The following GAP43 variants were observed in gnomAD, a reference collection of about 807,000 sequenced individuals.
GAP43 encodes growth associated protein 43.
A neutral mutation model predicts 18.6 loss-of-function variants in GAP43; 6 were observed. That is an observed-to-expected ratio of 0.32 (90% CI 0.18 to 0.64). GAP43 has a LOEUF of 0.64. Among genes scored for constraint, GAP43 ranks in the 30% least tolerant of loss-of-function variants. The probability of loss-of-function intolerance (pLI) is 0.78; values close to 1 mark genes in which losing one functional copy is unlikely to be tolerated. For synonymous variants in GAP43, 115 were observed against 111.4 expected, an observed-to-expected ratio of 1.03 and a Z score of -0.20; for missense variants, 292 against 295.5, an observed-to-expected ratio of 0.99 and a Z score of 0.09.
chr3:115,663,680 T>C, intron 1 of GAP43: 1 of 1,477,298 alleles, frequency 6.8e-7, no homozygotes. Context: ...ACTTTTCTAT[T>C]GTAAAGAGAT....
At chr3:115,629,405 G>A (rs996448050) in intron 1 of GAP43, among the ~76,000 whole-genome samples, 46 of 127,388 alleles carry the variant, frequency 3.6e-4, no homozygotes, top group African/African-American at 1.3e-3. Flanking sequence ...CAGCCCCCCT[G>A]CTCTTTTTTT....
At chr3:115,657,907 G>C (rs1708608274) in intron 1 of GAP43, among the ~76,000 whole-genome samples, 1 of 152,102 alleles carries the variant, frequency 6.6e-6, no homozygotes, top group South Asian at 2.1e-4. Flanking sequence ...ATTAACCAAA[G>C]AGACAAGGTA....
At chr3:115,625,983 C>T (rs1170316188) in intron 1 of GAP43, among the ~76,000 whole-genome samples, 2 of 152,194 alleles carry the variant, frequency 1.3e-5, no homozygotes, top group Non-Finnish European at 2.9e-5. Flanking sequence ...GTGAAATGGT[C>T]ATGTCTCTTA....
chr3:115,674,489 G>A (rs28399383), intron 1 of GAP43, among the ~76,000 whole-genome samples: 13,118 of 152,196 alleles, frequency 0.086, 954 homozygotes, highest in East Asian at 0.42. Flanking sequence ...GGCTACAAAT[G>A]TTGCCATCAA....
At chr3:115,711,510 CA>C (rs201271420) in intron 2 of GAP43, among the ~76,000 whole-genome samples, 29 of 150,882 alleles carry the variant, frequency 1.9e-4, no homozygotes, top group African/African-American at 3.9e-4. Context: ...CACACACACA[CA>C]CCCCCCTACA....
intron 1 of GAP43, among the ~76,000 whole-genome samples, chr3:115,673,008 C>T (rs749080740): frequency 6.6e-6 from 1 of 152,100 alleles, no homozygotes; most frequent in Non-Finnish European, 1.5e-5. Flanking sequence ...ACCTCTCTCT[C>T]CTAACTCTTG....
chr3:115,687,519 T>C (rs944655286), intron 2 of GAP43, among the ~76,000 whole-genome samples: 47 of 152,318 alleles, frequency 3.1e-4, no homozygotes, highest in Non-Finnish European at 6.0e-4. Flanking sequence ...ATTTTACAAA[T>C]CATAATCCCA....
intron 2 of GAP43, among the ~76,000 whole-genome samples, chr3:115,696,585 C>CCG (rs1553724432): frequency 1.6e-5 from 2 of 126,298 alleles, no homozygotes; most frequent in East Asian, 2.9e-4. Context: ...ACCGCCCCCC[C>CCG]CCCCCACAAA....
At chr3:115,682,669 T>C (rs930760544) in intron 2 of GAP43, among the ~76,000 whole-genome samples, 2 of 152,164 alleles carry the variant, frequency 1.3e-5, no homozygotes, top group African/African-American at 4.8e-5. Flanking sequence ...CCCTAGTGGC[T>C]GGGATTACAG....
chr3:115,698,091 TTA>T (rs1329876042), intron 2 of GAP43, among the ~76,000 whole-genome samples: 6 of 56,812 alleles, frequency 1.1e-4, no homozygotes, highest in South Asian at 4.3e-4. Flanking sequence ...AAAATATGTA[TTA>T]TATATAATAT....
intron 2 of GAP43, among the ~76,000 whole-genome samples, chr3:115,702,155 G>A (rs1709304982): frequency 6.6e-6 from 1 of 152,008 alleles, no homozygotes; most frequent in South Asian, 2.1e-4. Flanking sequence ...GTAAGAATTT[G>A]GAATTTAAGA....
intron 1 of GAP43, among the ~76,000 whole-genome samples, chr3:115,648,622 G>A (rs1180853931): frequency 6.6e-6 from 1 of 152,050 alleles, no homozygotes; most frequent in African/African-American, 2.4e-5. Context: ...CTAATTGAAG[G>A]TCCAGAAGTG....
Position 115,651,345 on chromosome 3 carries a change from G to A in GAP43, c.31-24668G>A, listed in dbSNP as rs141521642. 6.5e-4 allele frequency among the ~76,000 whole-genome samples: 99 copies of A among 152,154 alleles called. 1 individual carries two copies. Among genetic ancestry groups the A allele is most frequent in the African/African-American group, 2.2e-3 (93 of 41,520 alleles). On this transcript the variant is annotated intron_variant, in intron 1 of 2. Coordinates refer to ENST00000305124, the MANE Select transcript of GAP43 (RefSeq NM_002045.4). The stretch of plus-strand genomic sequence containing the variant: ...ACATCCATGCACACTCTGCACATAC[G>A]GAAGACCTGTTGTTTGAAAAGTTAA...
intron 1 of GAP43, chr3:115,663,987 G>C (rs888752905): frequency 1.4e-6 from 2 of 1,438,424 alleles, no homozygotes; most frequent in Middle Eastern, 1.8e-4. Flanking sequence ...CTTACTAGCT[G>C]TATGACTTTG....
At chr3:115,675,472 A>G (rs1295022392) in intron 1 of GAP43, among the ~76,000 whole-genome samples, 2 of 152,148 alleles carry the variant, frequency 1.3e-5, no homozygotes, top group African/African-American at 4.8e-5. Context: ...GTAGAAAATA[A>G]TGCCAGTGGC....
intron 2 of GAP43, among the ~76,000 whole-genome samples, chr3:115,715,807 G>A (rs1459043384): frequency 1.3e-5 from 2 of 152,100 alleles, no homozygotes; most frequent in Non-Finnish European, 2.9e-5. Flanking sequence ...GCTGTGGACC[G>A]GACTCCCTGC....
At chr3:115,642,166 G>T (rs1708405511) in intron 1 of GAP43, among the ~76,000 whole-genome samples, 1 of 151,988 alleles carries the variant, frequency 6.6e-6, no homozygotes, top group Non-Finnish European at 1.5e-5. Context: ...AGTTAACTCA[G>T]CATTTATGTG....
At chr3:115,625,632 T>C (rs1046949786) in intron 1 of GAP43, among the ~76,000 whole-genome samples, 2 of 152,134 alleles carry the variant, frequency 1.3e-5, no homozygotes, top group Non-Finnish European at 2.9e-5. Context: ...ATACATCTCC[T>C]TTAATAAAGG....
intron 2 of GAP43, among the ~76,000 whole-genome samples, chr3:115,713,032 T>C (rs1419727615): frequency 6.6e-6 from 1 of 152,128 alleles, no homozygotes; most frequent in Non-Finnish European, 1.5e-5. Flanking sequence ...TGAAACATGG[T>C]AATGAAACGA....
Sources: gnomAD v4.1 joint callset for allele counts (sites outside exome capture counted in the v4.1 genomes callset) on GRCh38, gnomAD v4.1.1 for gene constraint, MANE v1.5 for transcripts, NCBI Gene and HGNC (gene_info 2026-07-23, HGNC 2026-07-21) for gene names.